The following LAMC3 variants were observed in gnomAD, a reference collection of about 807,000 sequenced individuals.
The protein encoded by LAMC3 is laminin subunit gamma 3.
Under a neutral mutation model 173.8 loss-of-function variants are expected in LAMC3, and 128 were observed. The observed-to-expected ratio is 0.74, with a 90% CI of 0.64 to 0.85. LAMC3 has a LOEUF of 0.85. LAMC3 is among the 40% of genes least tolerant of loss of function. The probability of loss-of-function intolerance (pLI) is 0.00; values close to 1 mark genes in which losing one functional copy is unlikely to be tolerated. For missense variants in LAMC3, 2,022 were observed against 2,156.0 expected, an observed-to-expected ratio of 0.94 and a Z score of 1.23; for synonymous variants, 897 against 909.1, an observed-to-expected ratio of 0.99 and a Z score of 0.24.
chr9:131,036,248 G>C lies in LAMC3; in HGVS notation c.892G>C (p.Gly298Arg). ...CTGCCGGTGCCAGCACAACACCACCGGCACAGACTGTGAGCGCTGCCTGCC... is the reference window on the plus strand; with the variant it reads ...CTGCCGGTGCCAGCACAACACCACCCGCACAGACTGTGAGCGCTGCCTGCC... ...LACRCQHNTT[G>R]TDCERCLPFF... The change falls in exon 4 of 28, where the codon GGC becomes CGC. Residue 298 changes from glycine to arginine, a missense_variant. By Grantham distance (125) the Gly-to-Arg change is moderately radical (BLOSUM62 -2). Transcript: ENST00000361069. 1 of 1,613,162 alleles carries C rather than the reference G, an allele frequency of 6.2e-7. No individual in the cohort carries two copies. Among genetic ancestry groups the C allele is most frequent in the Non-Finnish European group, 8.5e-7 (1 of 1,179,850 alleles).
rs575452070 is a variant in LAMC3 at position 131,070,756 on chromosome 9, C to T, written c.3070-728C>T. On this transcript the variant is annotated intron_variant, in intron 17 of 27. Transcript: ENST00000361069. ...GCTGTGCTGAATATCACATAATCCC[C>T]CACTGTGAATGGGCAGCCCCCATAG... 1.3e-4 allele frequency among the ~76,000 whole-genome samples: 20 copies of T among 152,292 alleles called. 1 individual carries two copies. The South Asian group carries it at 4.1e-3, about 32-fold the overall frequency.
Position 131,077,342 on chromosome 9 carries a change from C to T in LAMC3, c.3777+8C>T, listed in dbSNP as rs553575101. 4 of 1,613,480 alleles carry T rather than the reference C, an allele frequency of 2.5e-6. No individual in the cohort carries two copies. The highest frequency in any genetic ancestry group is 2.7e-5 in the African/African-American group (2 of 75,048). Reference sequence around the variant, plus strand: ...GCTTCCCCGGGAGCTCTGGTCAGCTCAGTTGTCTCAGAGCTCCGTGTGGGG... The same window carrying T: ...GCTTCCCCGGGAGCTCTGGTCAGCTTAGTTGTCTCAGAGCTCCGTGTGGGG... On this transcript the variant is annotated splice_region_variant and intron_variant, in intron 22 of 27. Transcript: ENST00000361069.
At chr9:131,087,347 G>A (rs183261620) in intron 25 of LAMC3, 129 bp from the exon 26 acceptor site, 115 of 1,183,900 alleles carry the variant, frequency 9.7e-5, no homozygotes, top group Admixed American at 4.0e-4. Flanking sequence ...TATTTGTTGC[G>A]TGCATGAATG....
chr9:131,012,212 G>A (rs1173816604), intron 1 of LAMC3, among the ~76,000 whole-genome samples: 1 of 152,184 alleles, frequency 6.6e-6, no homozygotes, highest in East Asian at 1.9e-4. Context: ...GTGCTCTGGG[G>A]CCAGCTCAGC....
intron 3 of LAMC3, among the ~76,000 whole-genome samples, chr9:131,032,582 T>TCTCTCTTGCTCTCTCTCGCTC (rs1833856324): frequency 1.7e-5 from 1 of 60,588 alleles, no homozygotes; most frequent in Admixed American, 1.8e-4. Context: ...CTCTCTCGCT[T>TCTCTCTTGCTCTCTCTCGCTC]GCTCTCTTTC....
At chr9:131,065,958 C>T (rs1266226424) in intron 13 of LAMC3, among the ~76,000 whole-genome samples, 1 of 152,092 alleles carries the variant, frequency 6.6e-6, no homozygotes, top group Non-Finnish European at 1.5e-5. Flanking sequence ...GCCTGTAATC[C>T]CAGAACTTTG....
chr9:131,057,184 T>G (rs763126274), intron 12 of LAMC3, 37 bp downstream of exon 12: 1 of 1,576,038 alleles, frequency 6.3e-7, no homozygotes, highest in Non-Finnish European at 8.7e-7. Context: ...GGCACCTGGG[T>G]TATACCCAAA....
chr9:131,088,256 C>A (rs1160658618), intron 27 of LAMC3, among the ~76,000 whole-genome samples: 1 of 152,116 alleles, frequency 6.6e-6, no homozygotes, highest in Non-Finnish European at 1.5e-5. Context: ...TGGCTCTGTC[C>A]CTTCTTTGGC....
In LAMC3 at chr9:131,046,180, C is replaced by CTTT. The variant is rs61108655; in HGVS notation, c.1519+547_1519+549dup. On this transcript the variant is annotated intron_variant, in intron 8 of 27. Transcript: ENST00000361069. ...ATTTGTCAGCTCCTGAGTTTTGCTC[C>CTTT]TTTTTTTTTTTTTTTTTTTTTTTTT... Among the ~76,000 whole-genome samples, 246 of 76,550 alleles carry CTTT rather than the reference C, an allele frequency of 3.2e-3. 15 individuals are homozygous for CTTT. Among genetic ancestry groups the CTTT allele is most frequent in the African/African-American group, 0.01 (150 of 14,838 alleles). The allele number at this position is 76,550 out of a possible 152,430, so 50.2% of individuals were successfully genotyped here.
chr9:131,028,282 C>T (rs1017717927), intron 2 of LAMC3, among the ~76,000 whole-genome samples: 5 of 152,178 alleles, frequency 3.3e-5, no homozygotes, highest in Admixed American at 6.5e-5. Flanking sequence ...TCGTCTTCCA[C>T]GAAACCTCTT....
At chr9:131,081,684 A>T (rs1395418538) in intron 23 of LAMC3, among the ~76,000 whole-genome samples, 2 of 152,186 alleles carry the variant, frequency 1.3e-5, no homozygotes, top group African/African-American at 4.8e-5. Flanking sequence ...CATGTTGGCC[A>T]GGCTGGTCTC....
At chr9:131,022,034 G>A (rs552961976) in intron 1 of LAMC3, among the ~76,000 whole-genome samples, 49 of 152,260 alleles carry the variant, frequency 3.2e-4, no homozygotes, top group African/African-American at 1.1e-3. Flanking sequence ...TCCCTTGGGC[G>A]TAGGGTGGGA....
intron 1 of LAMC3, among the ~76,000 whole-genome samples, chr9:131,016,078 A>T (rs1456212470): frequency 6.6e-6 from 1 of 152,226 alleles, no homozygotes; most frequent in Non-Finnish European, 1.5e-5. Context: ...GCCCTGAAAA[A>T]GGAGATTCTC....
chr9:131,077,519 A>G (rs186759546), intron 22 of LAMC3, among the ~76,000 whole-genome samples, 185 bp downstream of exon 22: 31 of 151,944 alleles, frequency 2.0e-4, no homozygotes, highest in African/African-American at 7.2e-4. Context: ...TCTACTAAAA[A>G]TACAAAAATT....
chr9:131,022,783 A>G (rs1290856204), intron 1 of LAMC3, among the ~76,000 whole-genome samples: 1 of 150,922 alleles, frequency 6.6e-6, no homozygotes, highest in Non-Finnish European at 1.5e-5. Flanking sequence ...TTGCTATGTT[A>G]CCCAGGCTGG....
chr9:131,069,071 C>A, intron 16 of LAMC3, 21 bp downstream of exon 16: 1 of 1,612,736 alleles, frequency 6.2e-7, no homozygotes, highest in Non-Finnish European at 8.5e-7. Context: ...TGGGTCCTTC[C>A]CGGGCTGCCC....
intron 6 of LAMC3, 77 bp downstream of exon 6, chr9:131,039,325 C>A: frequency 8.6e-7 from 1 of 1,156,456 alleles, no homozygotes; most frequent in South Asian, 1.2e-5. Flanking sequence ...TGTCAGCAGT[C>A]CCTCCCCTCC....
chr9:131,064,629 A>C (rs1270691577), intron 13 of LAMC3, among the ~76,000 whole-genome samples: 2 of 149,694 alleles, frequency 1.3e-5, no homozygotes, highest in African/African-American at 2.5e-5. Flanking sequence ...GCGCCACTGC[A>C]CTCCAGCCTG....
At chr9:131,046,284 C>T (rs921685504) in intron 8 of LAMC3, among the ~76,000 whole-genome samples, 2 of 148,956 alleles carry the variant, frequency 1.3e-5, no homozygotes, top group Non-Finnish European at 3.0e-5. Flanking sequence ...TCACTGCAGC[C>T]ACCACCTCCC....
Sources: allele counts gnomAD v4.1 joint callset (sites outside exome capture counted in the v4.1 genomes callset), GRCh38; gene constraint gnomAD v4.1.1; transcripts MANE v1.5; gene names NCBI Gene and HGNC (gene_info 2026-07-23, HGNC 2026-07-21).